LINGO2: variants seen among roughly 807,000 people sequenced by gnomAD.
The protein encoded by LINGO2 is leucine rich repeat and Ig domain containing 2.
In LINGO2, 14 loss-of-function variants were observed where a neutral mutation model predicts 30.6. That is an observed-to-expected ratio of 0.46 (90% CI 0.30 to 0.72). The LOEUF is 0.72. Among genes scored for constraint, LINGO2 ranks in the 30% least tolerant of loss-of-function variants. The pLI is 0.07. For missense variants in LINGO2, 729 were observed against 751.7 expected, an observed-to-expected ratio of 0.97 and a Z score of 0.35; for synonymous variants, 317 against 288.5, an observed-to-expected ratio of 1.10 and a Z score of -1.00.
chr9:28,533,588 C>T (rs761071387), intron 1 of LINGO2, among the ~76,000 whole-genome samples: 3 of 152,124 alleles, frequency 2.0e-5, no homozygotes, highest in African/African-American at 4.8e-5. Context: ...GTTGATGAAT[C>T]GCAATAGGTG....
chr9:28,396,170 T>C (rs548417684), intron 2 of LINGO2, among the ~76,000 whole-genome samples: 3 of 152,230 alleles, frequency 2.0e-5, no homozygotes, highest in Admixed American at 6.5e-5. Context: ...GACACTTATA[T>C]AGAAATTACC....
intron 1 of LINGO2, among the ~76,000 whole-genome samples, chr9:28,657,569 C>A (rs1215074151): frequency 6.6e-6 from 1 of 151,052 alleles, no homozygotes; most frequent in Non-Finnish European, 1.5e-5. Context: ...TTCTTATAAT[C>A]CTTTTCATTG....
At chr9:28,183,075 A>G (rs570977744) in intron 4 of LINGO2, among the ~76,000 whole-genome samples, 1 of 152,324 alleles carries the variant, frequency 6.6e-6, no homozygotes, top group East Asian at 1.9e-4. Flanking sequence ...CATTAATGAT[A>G]GACTGGATAA....
At chr9:29,031,787 A>T in the LINGO2 span, among the ~76,000 whole-genome samples, 1 of 152,124 alleles carries the variant, frequency 6.6e-6, no homozygotes, top group East Asian at 1.9e-4. Context: ...TAAGTGATAA[A>T]CCACTGTGTC....
At chr9:28,099,681 GATA>G in intron 4 of LINGO2, among the ~76,000 whole-genome samples, 1 of 152,244 alleles carries the variant, frequency 6.6e-6, no homozygotes, top group East Asian at 1.9e-4. Context: ...AGGCAAATAT[GATA>G]ATATTAGTCT....
intron 5 of LINGO2, among the ~76,000 whole-genome samples, chr9:27,955,350 G>A (rs551902992): frequency 6.6e-6 from 1 of 152,072 alleles, no homozygotes; most frequent in African/African-American, 2.4e-5. Flanking sequence ...CGTGTCAATC[G>A]TTTGATTTTA....
chr9:28,433,575 A>G (rs1245283968), intron 2 of LINGO2, among the ~76,000 whole-genome samples: 3 of 152,130 alleles, frequency 2.0e-5, no homozygotes, highest in African/African-American at 7.2e-5. Flanking sequence ...TATGGTCACA[A>G]TGAGATATCA....
chr9:28,016,062 T>C (rs1377467819), intron 4 of LINGO2, among the ~76,000 whole-genome samples: 1 of 151,808 alleles, frequency 6.6e-6, no homozygotes, highest in South Asian at 2.1e-4. Context: ...TGAAGTTTAA[T>C]GGAGGCTTCC....
Position 28,354,076 on chromosome 9 carries a change from G to A in LINGO2, c.-246+18760C>T, listed in dbSNP as rs752182389. Among the ~76,000 whole-genome samples, 124 of 152,014 alleles carry A rather than the reference G, an allele frequency of 8.2e-4. 1 individual carries two copies. The highest frequency in any genetic ancestry group is 3.1e-4 in the Non-Finnish European group (21 of 67,986). ...TAGATGACGAGTTAGTGGGTGCAGCGCACCAGCATGGCGCATGTATACATA... is the reference window on the plus strand; with the variant it reads ...TAGATGACGAGTTAGTGGGTGCAGCACACCAGCATGGCGCATGTATACATA... On this transcript the variant is annotated intron_variant, in intron 3 of 5. Transcript: ENST00000379992.
chr9:28,848,391 GTGTGTGTATATATATATATA>G, the LINGO2 span, among the ~76,000 whole-genome samples: 427 of 55,072 alleles, frequency 7.8e-3, 2 homozygotes, highest in Non-Finnish European at 0.012. Context: ...GTGTGTGTGT[GTGTGTGTATATATATATATA>G]TATATATATA....
At chr9:28,117,608 T>C (rs981722541) in intron 4 of LINGO2, among the ~76,000 whole-genome samples, 1 of 116,268 alleles carries the variant, frequency 8.6e-6, no homozygotes, top group African/African-American at 3.3e-5. Context: ...GGATATAGTC[T>C]CGTGGTGCGC....
intron 1 of LINGO2, among the ~76,000 whole-genome samples, chr9:28,581,157 T>C (rs1824238402): frequency 6.6e-6 from 1 of 151,940 alleles, no homozygotes; most frequent in East Asian, 1.9e-4. Context: ...ACTTTAGATG[T>C]TTTGCTATTT....
At chr9:28,771,934 T>G in the LINGO2 span, among the ~76,000 whole-genome samples, 1 of 152,060 alleles carries the variant, frequency 6.6e-6, no homozygotes. Flanking sequence ...CATTATCTTT[T>G]TATTTATCTA....
chr9:28,142,597 G>A (rs1401510303), intron 4 of LINGO2, among the ~76,000 whole-genome samples: 1 of 152,132 alleles, frequency 6.6e-6, no homozygotes, highest in Non-Finnish European at 1.5e-5. Context: ...GAAAGACTAG[G>A]TTAACTAATG....
At chr9:28,455,226 G>C (rs1214273476) in intron 2 of LINGO2, among the ~76,000 whole-genome samples, 1 of 151,914 alleles carries the variant, frequency 6.6e-6, no homozygotes, top group Non-Finnish European at 1.5e-5. Context: ...CATTTTAGGT[G>C]ATTGTGAGTT....
At chr9:28,087,158 C>T (rs1227636589) in intron 4 of LINGO2, among the ~76,000 whole-genome samples, 1 of 152,058 alleles carries the variant, frequency 6.6e-6, no homozygotes, top group Non-Finnish European at 1.5e-5. Flanking sequence ...CAGTTAGCTC[C>T]TAGTCCACTT....
chr9:28,854,909 A>G, the LINGO2 span, among the ~76,000 whole-genome samples: 2 of 152,030 alleles, frequency 1.3e-5, no homozygotes, highest in Non-Finnish European at 2.9e-5. Context: ...TTAAAAAAGA[A>G]TGTCAATTAT....
chr9:28,900,859 T>A, the LINGO2 span, among the ~76,000 whole-genome samples: 1 of 151,824 alleles, frequency 6.6e-6, no homozygotes, highest in Admixed American at 6.6e-5. Flanking sequence ...TAGCAAAAAA[T>A]TGAAAAACAA....
chr9:29,114,832 A>T, the LINGO2 span, among the ~76,000 whole-genome samples: 7 of 151,888 alleles, frequency 4.6e-5, no homozygotes, highest in South Asian at 2.1e-4. Flanking sequence ...TAATATATTT[A>T]AAAAAAGATT....
Sources: allele counts gnomAD v4.1 joint callset (sites outside exome capture counted in the v4.1 genomes callset), GRCh38; gene constraint gnomAD v4.1.1; transcripts MANE v1.5; gene names NCBI Gene and HGNC (gene_info 2026-07-23, HGNC 2026-07-21).